Variants in THSD4 observed in about 807,000 individuals in gnomAD.
The protein encoded by THSD4 is thrombospondin type 1 domain containing 4.
Under a neutral mutation model 119.0 loss-of-function variants are expected in THSD4, and 69 were observed. The observed-to-expected ratio is 0.58, with a 90% CI of 0.48 to 0.71. The LOEUF (loss-of-function observed/expected upper bound fraction) is 0.71, where lower values mean the gene tolerates loss of function less well. Among genes scored for constraint, THSD4 ranks in the 30% least tolerant of loss-of-function variants. The pLI is 0.00. For synonymous variants in THSD4, 524 were observed against 540.4 expected (o/e 0.97, Z 0.42); for missense variants, 1,393 against 1,391.1 (o/e 1.00, Z -0.02).
chr15:71,470,542 A>G (rs550755668), intron 7 of THSD4, among the ~76,000 whole-genome samples: 1 of 152,260 alleles, frequency 6.6e-6, no homozygotes, highest in South Asian at 2.1e-4. Flanking sequence ...TACTAGTATT[A>G]TCACCGTTTC....
At chr15:71,538,549 A>G (rs1256559315) in intron 7 of THSD4, among the ~76,000 whole-genome samples, 1 of 152,210 alleles carries the variant, frequency 6.6e-6, no homozygotes, top group Non-Finnish European at 1.5e-5. Flanking sequence ...ACTTTGTGCA[A>G]TTTGAATTAA....
At chr15:71,341,436 G>A in intron 6 of THSD4, 2 of 1,613,050 alleles carry the variant, frequency 1.2e-6, no homozygotes, top group South Asian at 1.1e-5. Flanking sequence ...TTAAGCATGT[G>A]CAGCAAGAAT....
intron 3 of THSD4, among the ~76,000 whole-genome samples, chr15:71,172,698 TATATA>T (rs1389878601): frequency 1.0e-5 from 1 of 96,382 alleles, no homozygotes; most frequent in African/African-American, 5.4e-5. Flanking sequence ...TATATATATA[TATATA>T]TATATATATA....
At chr15:71,236,305 G>A (rs1458625064) in intron 4 of THSD4, among the ~76,000 whole-genome samples, 1 of 152,246 alleles carries the variant, frequency 6.6e-6, no homozygotes, top group Admixed American at 6.5e-5. Context: ...GCTGCAGGCT[G>A]CTGACAGCTT....
intron 6 of THSD4, among the ~76,000 whole-genome samples, chr15:71,373,980 A>G (rs2046096514): frequency 1.3e-5 from 2 of 152,216 alleles, no homozygotes; most frequent in African/African-American, 2.4e-5. Context: ...TTCCCTCAGG[A>G]TGTTATGTGA....
At chr15:71,663,129 A>G (rs2051343982) in intron 8 of THSD4, among the ~76,000 whole-genome samples, 1 of 152,066 alleles carries the variant, frequency 6.6e-6, no homozygotes, top group African/African-American at 2.4e-5. Context: ...ACACATGCCT[A>G]TAGTCTTAGC....
chr15:71,172,450 A>C (rs1357150605), intron 3 of THSD4, among the ~76,000 whole-genome samples: 1 of 151,890 alleles, frequency 6.6e-6, no homozygotes, highest in Non-Finnish European at 1.5e-5. Context: ...AATTCCAATA[A>C]AATTCTTAGC....
chr15:71,621,661 A>G lies in THSD4; in HGVS notation c.1153-38869A>G, dbSNP rs533228890. On this transcript the variant is annotated intron_variant, in intron 7 of 17. Coordinates refer to ENST00000261862, the MANE Select transcript of THSD4 (RefSeq NM_024817.3). ...AATTAATAGCTATGTTTGGACACTA[A>G]AACTGTGGTGAAAATAATTTCATAT... is the stretch of plus-strand genomic sequence containing the variant. 2.6e-5 allele frequency among the ~76,000 whole-genome samples: 4 copies of G among 152,350 alleles called. No individual in the cohort carries two copies. In the East Asian group the frequency reaches 7.7e-4, roughly 29 times the overall value.
intron 6 of THSD4, among the ~76,000 whole-genome samples, chr15:71,275,824 C>T (rs891899751): frequency 6.2e-4 from 94 of 152,132 alleles, no homozygotes; most frequent in Non-Finnish European, 7.3e-5. Flanking sequence ...CTTGGTGCAT[C>T]GCCTTACTGC....
At chr15:71,514,005 A>C (rs1165680078) in intron 7 of THSD4, among the ~76,000 whole-genome samples, 1 of 152,180 alleles carries the variant, frequency 6.6e-6, no homozygotes, top group Non-Finnish European at 1.5e-5. Context: ...AGTTGCCTCC[A>C]TTTAGGGAAA....
At chr15:71,121,813 C>T (rs1253542883) in intron 1 of THSD4, among the ~76,000 whole-genome samples, 1 of 152,060 alleles carries the variant, frequency 6.6e-6, no homozygotes, top group African/African-American at 2.4e-5. Flanking sequence ...GCCGTCTGGC[C>T]TGGATGCAAA....
chr15:71,681,381 A>G (rs2051772780), intron 8 of THSD4, among the ~76,000 whole-genome samples: 2 of 151,996 alleles, frequency 1.3e-5, no homozygotes, highest in African/African-American at 4.8e-5. Flanking sequence ...TCAGTATCAA[A>G]AGTTTACGTG....
At chr15:71,172,651 GAA>G (rs1555452520) in intron 3 of THSD4, among the ~76,000 whole-genome samples, 2 of 100,086 alleles carry the variant, frequency 2.0e-5, no homozygotes, top group African/African-American at 3.8e-5. Flanking sequence ...ATAGATAATG[GAA>G]CAGAATACAG....
At chr15:71,601,114 G>A (rs1236072797) in intron 7 of THSD4, among the ~76,000 whole-genome samples, 2 of 152,164 alleles carry the variant, frequency 1.3e-5, no homozygotes, top group African/African-American at 4.8e-5. Flanking sequence ...CCAACAACCA[G>A]TGAGATAATT....
chr15:71,296,991 G>T (rs780612491), intron 6 of THSD4, among the ~76,000 whole-genome samples: 1 of 151,976 alleles, frequency 6.6e-6, no homozygotes, highest in Non-Finnish European at 1.5e-5. Flanking sequence ...TCTTTCTTTT[G>T]GCTGTTTCTG....
At chr15:71,737,658 C>T (rs1595904261) in intron 10 of THSD4, 74 bp from the exon 11 acceptor site, 6 of 1,493,922 alleles carry the variant, frequency 4.0e-6, no homozygotes, top group East Asian at 2.3e-5. Context: ...TCTCTAATGT[C>T]GAAGCAATTT....
intron 7 of THSD4, among the ~76,000 whole-genome samples, chr15:71,548,386 C>G (rs1220003748): frequency 6.6e-6 from 1 of 152,212 alleles, no homozygotes. Flanking sequence ...ACAGCTTTGC[C>G]TTTTGTTAGC....
intron 6 of THSD4, among the ~76,000 whole-genome samples, chr15:71,359,775 A>C (rs2045867682): frequency 6.6e-6 from 1 of 152,110 alleles, no homozygotes. Context: ...TTGCCACTGC[A>C]CTCCAGCCTG....
intron 4 of THSD4, among the ~76,000 whole-genome samples, chr15:71,237,426 G>A (rs972619286): frequency 1.1e-4 from 17 of 152,136 alleles, no homozygotes; most frequent in African/African-American, 3.6e-4. Flanking sequence ...TAGAGAATAT[G>A]GGAAGAGCTA....
Sources: allele counts gnomAD v4.1 joint callset (sites outside exome capture counted in the v4.1 genomes callset), GRCh38; gene constraint gnomAD v4.1.1; transcripts MANE v1.5; gene names NCBI Gene and HGNC (gene_info 2026-07-23, HGNC 2026-07-21).